MESP1: variants seen among roughly 807,000 people sequenced by gnomAD.
MESP1 encodes the protein mesoderm posterior protein 1.
In MESP1, 22 loss-of-function variants were observed where a neutral mutation model predicts 15.2. The observed-to-expected ratio is 1.45, with a 90% CI of 1.04 to 2.07. The LOEUF (loss-of-function observed/expected upper bound fraction) is 2.07, where lower values mean the gene tolerates loss of function less well. MESP1 is among the 30% of genes most tolerant of loss of function. The probability of loss-of-function intolerance (pLI) is 0.00; values close to 1 mark genes in which losing one functional copy is unlikely to be tolerated. For missense variants in MESP1, 484 were observed against 411.9 expected, an observed-to-expected ratio of 1.17 and a Z score of -1.51; for synonymous variants, 216 against 192.6, an observed-to-expected ratio of 1.12 and a Z score of -1.01.
downstream of MESP1, among the ~76,000 whole-genome samples, chr15:89,747,056 ACACACACACAGCCCCGCCGC>A (rs1967980787): frequency 7.1e-6 from 1 of 140,796 alleles, no homozygotes; most frequent in Non-Finnish European, 1.5e-5. Context: ...GCATGCACAC[ACACACACACAGCCCCGCCGC>A]CACACACACA....
At chr15:89,740,999 G>C in the MESP1 span, among the ~76,000 whole-genome samples, 1 of 151,966 alleles carries the variant, frequency 6.6e-6, no homozygotes, top group African/African-American at 2.4e-5. Context: ...AATTAACCGG[G>C]CACGGTGGCA....
Position 89,751,065 on chromosome 15 carries a change from G to GCGGGACTCGGCA in MESP1, c.166_167insTGCCGAGTCCCG (p.Pro55_Ala56insValProSerPro). ...GGGGTCCCGGAGGGTGCCTGGCCGCGCGGGGCTCGCCACGGGGCTGTCGGC... is the reference window on the plus strand; with the variant it reads ...GGGGTCCCGGAGGGTGCCTGGCCGCGCGGGACTCGGCACGGGGCTCGCCACGGGGCTGTCGGC... On this transcript the variant is annotated inframe_insertion, in exon 1 of 2. Coordinates refer to ENST00000300057, the MANE Select transcript of MESP1 (RefSeq NM_018670.4). 1 of 1,239,370 alleles carries GCGGGACTCGGCA rather than the reference G, an allele frequency of 8.1e-7. No homozygotes were observed. The allele number at this position is 1,239,370 out of a possible 1,614,324, so 76.8% of individuals were successfully genotyped here. A position where few individuals can be genotyped will look rare whatever the true frequency, so the allele number is the denominator to read the frequency against.
downstream of MESP1, among the ~76,000 whole-genome samples, chr15:89,748,220 C>CTAGA (rs370600180): frequency 0.016 from 2,417 of 152,328 alleles, 70 homozygotes; most frequent in African/African-American, 0.055. Flanking sequence ...GTGTCGGCTC[C>CTAGA]AGAAAACTTC....
chr15:89,733,079 G>T, the MESP1 span: 1 of 1,614,030 alleles, frequency 6.2e-7, no homozygotes, highest in Non-Finnish European at 8.5e-7. Flanking sequence ...AATATTTCTC[G>T]GTCCACAAAG....
chr15:89,738,150 T>A, the MESP1 span: 43 of 1,614,082 alleles, frequency 2.7e-5, no homozygotes, highest in South Asian at 1.5e-4. Context: ...CAAAAAATTG[T>A]ACCATTCCTC....
chr15:89,735,082 C>G, the MESP1 span, among the ~76,000 whole-genome samples: 1 of 151,514 alleles, frequency 6.6e-6, no homozygotes, highest in Non-Finnish European at 1.5e-5. Flanking sequence ...CGGTCTCACT[C>G]TGTAGCCCAG....
Position 89,749,890 on chromosome 15 carries a change from T to G in MESP1, c.*254A>C. ...AATTGCCAACTGACACCAGTACAGT[T>G]TATTCACAAATAAATAAATTCACAT... On this transcript the variant is annotated 3_prime_UTR_variant, in exon 2 of 2. Transcript: ENST00000300057. 2.0e-6 allele frequency: 1 copy of G among 510,910 alleles called. No homozygotes were observed. Among genetic ancestry groups the G allele is most frequent in the South Asian group, 2.5e-5 (1 of 40,320 alleles). 31.6% of individuals were successfully genotyped at this position (510,910 alleles called of 1,614,324 possible). A position where few individuals can be genotyped will look rare whatever the true frequency, so the allele number is the denominator to read the frequency against.
chr15:89,745,747 G>C (rs143104105), downstream of MESP1, among the ~76,000 whole-genome samples: 3,199 of 152,012 alleles, frequency 0.021, 122 homozygotes, highest in African/African-American at 0.074. The surrounding 1 kb of genome is among the most constrained non-coding windows in gnomAD (Gnocchi z 4.8). Context: ...CTGGGCGAAA[G>C]AGCGAGACTC....
At chr15:89,737,454 C>A in the MESP1 span, 1 of 1,345,120 alleles carries the variant, frequency 7.4e-7, no homozygotes, top group Non-Finnish European at 1.0e-6. Flanking sequence ...GAGGCTGGGG[C>A]CCAAGAGGTT....
At chr15:89,741,434 C>A in the MESP1 span, among the ~76,000 whole-genome samples, 2 of 152,020 alleles carry the variant, frequency 1.3e-5, no homozygotes, top group Non-Finnish European at 2.9e-5. Context: ...CCCTATGTTG[C>A]CCAGGCTGGT....
At chr15:89,740,375 C>T in the MESP1 span, among the ~76,000 whole-genome samples, 3 of 152,106 alleles carry the variant, frequency 2.0e-5, no homozygotes, top group Non-Finnish European at 4.4e-5. Flanking sequence ...CGTCAGGAGA[C>T]GAATATGGTC....
chr15:89,744,578 T>C, the MESP1 span, among the ~76,000 whole-genome samples: 2 of 152,238 alleles, frequency 1.3e-5, no homozygotes, highest in Non-Finnish European at 2.9e-5. Flanking sequence ...ATAGATGTTA[T>C]TGTTATCCCC....
At chr15:89,737,546 C>T in the MESP1 span, 5 of 1,613,736 alleles carry the variant, frequency 3.1e-6, no homozygotes, top group Admixed American at 1.7e-5. Context: ...CAGTAGAAGC[C>T]CCCCTCACCA....
the MESP1 span, among the ~76,000 whole-genome samples, chr15:89,736,068 G>A: frequency 1.3e-5 from 2 of 152,198 alleles, no homozygotes; most frequent in Non-Finnish European, 2.9e-5. Flanking sequence ...CCTGTACACT[G>A]CGCAGAAGGA....
chr15:89,750,647 G>A lies in MESP1; in HGVS notation c.585C>T (p.Val195=). 1.5e-6 allele frequency: 2 copies of A among 1,372,504 alleles called. No homozygotes were observed. The highest frequency in any genetic ancestry group is 1.9e-6 in the Non-Finnish European group (2 of 1,072,038). The allele number at this position is 1,372,504 out of a possible 1,614,324, so 85.0% of individuals were successfully genotyped here. A position where few individuals can be genotyped will look rare whatever the true frequency, so the allele number is the denominator to read the frequency against. ...GGGATCCCCAGGACGCCCCGGCGCG[G>A]ACGGCGGATACCAGGCCCAGCCCGC... is the stretch of plus-strand genomic sequence containing the variant. ...QGRGLGLVSA[V]RAGASWGSPP... Residue 195 remains valine (V), a synonymous_variant, in exon 1 of 2, where the codon GTC becomes GTT. Transcript: ENST00000300057.
chr15:89,732,678 A>G, the MESP1 span, among the ~76,000 whole-genome samples: 3 of 151,542 alleles, frequency 2.0e-5, no homozygotes, highest in East Asian at 5.8e-4. Context: ...CCCCCTGCCC[A>G]TACGCCTTTG....
rs190131623 is a variant in MESP1, at chr15:89,750,332, C to G, written c.724-105G>C. 7.1e-6 allele frequency: 11 copies of G among 1,545,598 alleles called. No homozygotes were observed. In the East Asian group the frequency reaches 2.6e-4, roughly 36 times the overall value. The stretch of plus-strand genomic sequence containing the variant: ...CAGGGGGCCCCTAGCGAGGGGAGAC[C>G]CAGTCCTCTGCGTGGCCTTTCCCTG... On this transcript the variant is annotated intron_variant, in intron 1 of 1. Transcript: ENST00000300057.
rs1309789717 is a variant in MESP1 at position 89,750,577 on chromosome 15, G to T, written c.655C>A (p.Pro219Thr). 2.8e-6 allele frequency: 4 copies of T among 1,422,816 alleles called. No individual in the cohort carries two copies. In the African/African-American group the frequency reaches 4.5e-5, roughly 16 times the overall value. The allele number at this position is 1,422,816 out of a possible 1,614,324, so 88.1% of individuals were successfully genotyped here. The change falls in exon 1 of 2, where the codon CCG becomes ACG. Residue 219 changes from proline to threonine, a missense_variant. By Grantham distance (38) the Pro-to-Thr change is conservative. Transcript: ENST00000300057. ...GARAAPEPRD[P>T]PALFAEAACP... ...GCCGCCTCGGCGAACAGCGCAGGCG[G>T]GTCGCGCGGCTCGGGTGCAGCTCGG... is the stretch of plus-strand genomic sequence containing the variant.
chr15:89,747,300 AC>A (rs1967989938), downstream of MESP1, among the ~76,000 whole-genome samples: 1 of 151,892 alleles, frequency 6.6e-6, no homozygotes, highest in African/African-American at 2.4e-5. Flanking sequence ...GAGAGTGCAA[AC>A]CTACCCACCT....
Sources: gnomAD v4.1 joint callset for allele counts (sites outside exome capture counted in the v4.1 genomes callset) on GRCh38, gnomAD v4.1.1 for gene constraint, Gnocchi (gnomAD v3.1) non-coding constraint, MANE v1.5 for transcripts, NCBI Gene and HGNC (gene_info 2026-07-23, HGNC 2026-07-21) for gene names.